DLGAP2: variants seen among roughly 807,000 people sequenced by gnomAD.
The protein encoded by DLGAP2 is disks large-associated protein 2.
In DLGAP2, 26 loss-of-function variants were observed where a neutral mutation model predicts 100.3. The observed-to-expected ratio is 0.26, with a 90% confidence interval of 0.19 to 0.36. The LOEUF is 0.36. DLGAP2 is among the 10% of genes least tolerant of loss of function. The pLI is 1.00. For synonymous variants in DLGAP2, 886 were observed against 630.1 expected, an observed-to-expected ratio of 1.41 and a Z score of -6.08; for missense variants, 1,858 against 1,453.2, an observed-to-expected ratio of 1.28 and a Z score of -4.53.
chr8:956,843 A>G (rs1287448425), intron 2 of DLGAP2, among the ~76,000 whole-genome samples: 1 of 152,202 alleles, frequency 6.6e-6, no homozygotes, highest in Non-Finnish European at 1.5e-5. Flanking sequence ...AAGTGGGAAC[A>G]GGATTATTGT....
chr8:822,562 C>G (rs1438405215), intron 1 of DLGAP2, among the ~76,000 whole-genome samples: 1 of 152,176 alleles, frequency 6.6e-6, no homozygotes, highest in South Asian at 2.1e-4. Flanking sequence ...AGGAGCAGGG[C>G]CACGTCACTG....
At chr8:1,234,704 C>T (rs114582003) in intron 2 of DLGAP2, among the ~76,000 whole-genome samples, 321 of 152,282 alleles carry the variant, frequency 2.1e-3, no homozygotes, top group African/African-American at 7.4e-3. Context: ...TGACTTTGGA[C>T]TGACAGTGAT....
intron 4 of DLGAP2, among the ~76,000 whole-genome samples, chr8:1,502,331 C>G (rs1799751632): frequency 6.6e-6 from 1 of 152,214 alleles, no homozygotes; most frequent in Admixed American, 6.5e-5. Context: ...GACTTTTAGC[C>G]AGTGCATCTA....
At chr8:882,246 G>C (rs1056630537) in intron 1 of DLGAP2, among the ~76,000 whole-genome samples, 1 of 152,036 alleles carries the variant, frequency 6.6e-6, no homozygotes, top group Non-Finnish European at 1.5e-5. Context: ...AGAGATCTGC[G>C]GAGGCCTCTC....
At chr8:1,390,153 G>A (rs1214800976) in intron 3 of DLGAP2, among the ~76,000 whole-genome samples, 1 of 151,744 alleles carries the variant, frequency 6.6e-6, no homozygotes, top group Non-Finnish European at 1.5e-5. Flanking sequence ...TAACTAAATC[G>A]AGGCACTCTC....
intron 2 of DLGAP2, among the ~76,000 whole-genome samples, chr8:1,230,668 C>A (rs1798517209): frequency 6.6e-6 from 1 of 152,114 alleles, no homozygotes; most frequent in South Asian, 2.1e-4. Context: ...ACACATAAAC[C>A]AACAGAACAG....
intron 12 of DLGAP2, among the ~76,000 whole-genome samples, chr8:1,681,181 A>G (rs1235901459): frequency 6.6e-6 from 1 of 152,214 alleles, no homozygotes; most frequent in Non-Finnish European, 1.5e-5. Flanking sequence ...AGAAAGTTGT[A>G]GTCTTCTTTG....
chr8:1,119,309 A>G (rs1795979147), intron 2 of DLGAP2, among the ~76,000 whole-genome samples: 1 of 152,210 alleles, frequency 6.6e-6, no homozygotes, highest in Non-Finnish European at 1.5e-5. Flanking sequence ...CATCTGCAAA[A>G]TATTTTAGTG....
chr8:1,366,041 A>G (rs562791784), intron 3 of DLGAP2, among the ~76,000 whole-genome samples: 1 of 152,356 alleles, frequency 6.6e-6, no homozygotes, highest in Admixed American at 6.5e-5. Flanking sequence ...GTGCCATCCC[A>G]GGAACCGCAG....
At chr8:1,516,449 G>C (rs956304973) in intron 4 of DLGAP2, among the ~76,000 whole-genome samples, 3 of 20,594 alleles carry the variant, frequency 1.5e-4, no homozygotes, top group East Asian at 6.3e-4. Flanking sequence ...CTGAGGGAAA[G>C]AGTGACTGAG....
Position 1,239,102 on chromosome 8 carries a change from A to G in DLGAP2, c.74-19749A>G, listed in dbSNP as rs1378632540. 6.2e-4 allele frequency among the ~76,000 whole-genome samples: 2 copies of G among 3,212 alleles called. 1 individual carries two copies. The highest frequency in any genetic ancestry group is 4.6e-3 in the East Asian group (2 of 436). The allele number at this position is 3,212 out of a possible 152,430, so 2.1% of individuals were successfully genotyped here. A position where few individuals can be genotyped will look rare whatever the true frequency, so the allele number is the denominator to read the frequency against. On this transcript the variant is annotated intron_variant, in intron 2 of 14. Transcript: ENST00000637795. ...AGTGCATCGTGTCTAGTTCTCTAAC[A>G]TGGCGCCATGTTTAGTTCTCTCACA...
At chr8:1,546,661 A>G (rs1361232294) in intron 4 of DLGAP2, among the ~76,000 whole-genome samples, 1 of 152,184 alleles carries the variant, frequency 6.6e-6, no homozygotes, top group Non-Finnish European at 1.5e-5. Context: ...CTCACTCCCC[A>G]TCACTCTGCT....
At chr8:1,325,417 C>T (rs1800998668) in intron 3 of DLGAP2, among the ~76,000 whole-genome samples, 1 of 152,202 alleles carries the variant, frequency 6.6e-6, no homozygotes. Flanking sequence ...GTCCCCCGAC[C>T]CTGCAGCCCG....
rs185655648 is a variant in DLGAP2 at position 1,472,203 on chromosome 8, A to G, written c.107-29163A>G. On this transcript the variant is annotated intron_variant, in intron 3 of 14. Transcript: ENST00000637795. ...TGATGCTGGAGGAAATCCTTGCAGC[A>G]GGAGGGATGCCTGCCGCCATGTTGG... Among the ~76,000 whole-genome samples the G allele has an allele frequency of 5.4e-3, 821 of 152,268 alleles. 8 individuals are homozygous for G. The highest frequency in any genetic ancestry group is 0.019 in the African/African-American group (786 of 41,544).
At chr8:1,573,965 C>G (rs1335416812) in intron 6 of DLGAP2, among the ~76,000 whole-genome samples, 1 of 152,136 alleles carries the variant, frequency 6.6e-6, no homozygotes, top group Non-Finnish European at 1.5e-5. Context: ...GTGAGGTGCT[C>G]TCTAAATGCG....
At chr8:1,158,453 A>C (rs1025739102) in intron 2 of DLGAP2, among the ~76,000 whole-genome samples, 1 of 152,238 alleles carries the variant, frequency 6.6e-6, no homozygotes, top group African/African-American at 2.4e-5. Context: ...ATTTGCAATT[A>C]GTGTCACTAT....
rs368803608 is a variant in DLGAP2, at chr8:999,548, G to A, written c.73+91582G>A. On this transcript the variant is annotated intron_variant, in intron 2 of 14. Coordinates refer to ENST00000637795, the MANE Select transcript of DLGAP2 (RefSeq NM_001346810.2). The stretch of plus-strand genomic sequence containing the variant: ...GGCTGGAGTGCAGTGGTGCAATCTC[G>A]GCTCACTGCAAACTCCACCTTGTAG... Among the ~76,000 whole-genome samples, 232 of 150,244 alleles carry A rather than the reference G, an allele frequency of 1.5e-3. 9 individuals are homozygous for A. The South Asian group carries it at 0.048, about 31-fold the overall frequency.
intron 1 of DLGAP2, among the ~76,000 whole-genome samples, chr8:767,590 C>A (rs543691697): frequency 2.0e-5 from 3 of 152,064 alleles, no homozygotes; most frequent in Non-Finnish European, 4.4e-5. Flanking sequence ...CTCCTGACCT[C>A]GTGATCCACG....
intron 2 of DLGAP2, among the ~76,000 whole-genome samples, chr8:1,139,671 A>G (rs532570295): frequency 6.6e-6 from 1 of 152,290 alleles, no homozygotes; most frequent in Non-Finnish European, 1.5e-5. Flanking sequence ...ACACTTTATC[A>G]AGGGAACAGT....
Sources: allele counts gnomAD v4.1 joint callset (sites outside exome capture counted in the v4.1 genomes callset), GRCh38; gene constraint gnomAD v4.1.1; transcripts MANE v1.5; gene names NCBI Gene and HGNC (gene_info 2026-07-23, HGNC 2026-07-21).